The following COL5A3 variants were observed in gnomAD, a reference collection of about 807,000 sequenced individuals.
The protein encoded by COL5A3 is collagen alpha-3(V) chain.
In COL5A3, 172 loss-of-function variants were observed where a neutral mutation model predicts 250.0. The ratio of observed to expected loss-of-function variants is 0.69; its 90% confidence interval spans 0.61 to 0.78. COL5A3 has a LOEUF of 0.78. Among genes scored for constraint, COL5A3 ranks in the 30% least tolerant of loss-of-function variants. The probability of loss-of-function intolerance (pLI) is 0.00; values close to 1 mark genes in which losing one functional copy is unlikely to be tolerated. For missense variants in COL5A3, 2,340 were observed against 2,334.4 expected (o/e 1.00, Z -0.05); for synonymous variants, 937 against 900.4 (o/e 1.04, Z -0.73).
Position 9,978,933 on chromosome 19 carries a change from T to A in COL5A3, c.2922A>T (p.Gly974=). 2 of 1,519,552 alleles carry A rather than the reference T, an allele frequency of 1.3e-6. No homozygotes were observed. The highest frequency in any genetic ancestry group is 1.8e-6 in the Non-Finnish European group (2 of 1,136,574). 94.1% of individuals were successfully genotyped at this position (1,519,552 alleles called of 1,614,324 possible). The change falls in exon 40 of 67, where the codon GGA becomes GGT. Residue 974 remains glycine (G), a synonymous_variant. Coordinates refer to ENST00000264828, the MANE Select transcript of COL5A3 (RefSeq NM_015719.4). ...PGPLGKEGPA[G]LRGFPGPKGG... ...CTTTGGGGCCGGGAAAGCCCCTGAG[T>A]CCAGCTGGCCCTTCTTTCCCAAGGG...
At chr19:9,983,707 AAAG>A (rs756098605) in intron 31 of COL5A3, among the ~76,000 whole-genome samples, 32 of 151,420 alleles carry the variant, frequency 2.1e-4, no homozygotes, top group Non-Finnish European at 2.9e-4. Flanking sequence ...GAAAGAGAAA[AAAG>A]AAGGAAAAGA....
intron 15 of COL5A3, 68 bp from the exon 16 acceptor site, chr19:9,995,685 A>T: frequency 8.2e-7 from 1 of 1,224,490 alleles, no homozygotes; most frequent in Non-Finnish European, 1.1e-6. Flanking sequence ...CTATTGTATT[A>T]AAAAAAATTA....
chr19:9,993,553 G>A, intron 18 of COL5A3, 66 bp downstream of exon 18: 2 of 1,588,100 alleles, frequency 1.3e-6, no homozygotes, highest in South Asian at 1.1e-5. Context: ...TACTGAGGGA[G>A]AAGTTGGGGG....
chr19:10,003,357 C>G (rs749261), intron 6 of COL5A3, among the ~76,000 whole-genome samples: 66,848 of 151,502 alleles, frequency 0.44, 15,075 homozygotes, highest in East Asian at 0.49. Flanking sequence ...CCCACCCCCA[C>G]CCTGTTATCA....
intron 45 of COL5A3, 103 bp downstream of exon 45, chr19:9,976,455 G>A: frequency 1.2e-6 from 1 of 818,164 alleles, no homozygotes; most frequent in Non-Finnish European, 1.9e-6. Context: ...ATCAGGGTTG[G>A]GTTTGAGGTT....
Position 9,982,066 on chromosome 19 carries a change from G to C in COL5A3, c.2459C>G (p.Ser820Trp), listed in dbSNP as rs377531269. 11 of 1,609,576 alleles carry C rather than the reference G, an allele frequency of 6.8e-6. No individual in the cohort carries two copies. In the South Asian group the frequency reaches 1.2e-4, roughly 18 times the overall value. Residue 820 changes from serine to tryptophan, a missense_variant and splice_region_variant, in exon 32 of 67, where the codon TCG (serine) becomes TGG (tryptophan). By Grantham distance (177) the Ser-to-Trp change is radical. Around this residue, in one of 3 missense-constraint regions of COL5A3, gnomAD observed 1,152 missense variants for 1,146.3 expected, o/e 1.00. Coordinates refer to ENST00000264828, the MANE Select transcript of COL5A3 (RefSeq NM_015719.4). ...PLGPIGEKGKSGKTGQPGLEG... is the reference protein window; with the variant it reads ...PLGPIGEKGKWGKTGQPGLEG... ...CCCTTACCCCCGGTCATGACTCACC[G>C]ACTTCCCTTTCTCTCCTATGGGTCC...
Position 9,966,618 on chromosome 19 carries a change from C to T in COL5A3, c.4587G>A (p.Gln1529=). Reference sequence around the variant, plus strand: ...CCGCAGTGCCGGGAGGACGCCGCAGCTGCTCCAGCTCCAAGCTCAGCGATG... The same window carrying T: ...CCGCAGTGCCGGGAGGACGCCGCAGTTGCTCCAGCTCCAAGCTCAGCGATG... The part of the protein sequence containing the change: ...SLTSLSLELE[Q]LRRPPGTAER... Residue 1529 remains glutamine (Q), a synonymous_variant, in exon 63 of 67, where the codon CAG becomes CAA. Coordinates refer to ENST00000264828, the MANE Select transcript of COL5A3 (RefSeq NM_015719.4). 6.5e-7 allele frequency: 1 copy of T among 1,539,078 alleles called. No homozygotes were observed. Among genetic ancestry groups the T allele is most frequent in the Non-Finnish European group, 8.7e-7 (1 of 1,146,948 alleles).
rs909912566 is a variant in COL5A3, at chr19:9,968,137, C to T, written c.4315-58G>A. 1.1e-5 allele frequency: 16 copies of T among 1,474,610 alleles called. No homozygotes were observed. The highest frequency in any genetic ancestry group is 1.5e-5 in the Non-Finnish European group (16 of 1,080,054). 91.3% of individuals were successfully genotyped at this position (1,474,610 alleles called of 1,614,324 possible). On this transcript the variant is annotated intron_variant, in intron 59 of 66. Transcript: ENST00000264828. This position sits in a 1 kb window ranked among gnomAD's most constrained non-coding sequence, Gnocchi z 4.1. Reference sequence around the variant, plus strand: ...GGTACACCCTATTGCCCTGACACATCCCCCAGACAAGCCTTCAATCCTACC... The same window carrying T: ...GGTACACCCTATTGCCCTGACACATTCCCCAGACAAGCCTTCAATCCTACC...
At chr19:9,969,981 GTGGGGTCTGGGTGAC>G (rs1215846571) in intron 54 of COL5A3, 59 bp from the exon 55 acceptor site, 1 of 1,463,248 alleles carries the variant, frequency 6.8e-7, no homozygotes, top group African/African-American at 1.4e-5. Context: ...AGAGGGGTGA[GTGGGGTCTGGGTGAC>G]TGGGGGGTTA....
At position 9,981,737 on chromosome 19, in the gene COL5A3, C is replaced by T. The variant is rs137868911; in HGVS notation, c.2460+328G>A. 1.6e-4 allele frequency among the ~76,000 whole-genome samples: 25 copies of T among 152,336 alleles called. No homozygotes were observed. The East Asian group carries it at 4.4e-3, about 27-fold the overall frequency. On this transcript the variant is annotated intron_variant, in intron 32 of 66. Transcript: ENST00000264828. Reference sequence around the variant, plus strand: ...CGCATATGTACAAGCTTCTTGCACACATTTATGCCCACCATCATGCAAAGT... The same window carrying T: ...CGCATATGTACAAGCTTCTTGCACATATTTATGCCCACCATCATGCAAAGT...
chr19:10,005,856 A>C lies in COL5A3; in HGVS notation c.377T>G (p.Leu126Arg), dbSNP rs758979997. 5.0e-6 allele frequency: 8 copies of C among 1,613,682 alleles called. No individual in the cohort carries two copies. Residue 126 changes from leucine (L) to arginine (R), a missense_variant, in exon 3 of 67, where the codon CTG becomes CGG. Transcript: ENST00000264828. ...GCGGAAGGGGTCACCTAGGAGACCC[A>C]GCGCTGGCCCCAGTGCCAGGCCCAA... ...RQLGLALGPA[L>R]GLLGDPFRPL...
intron 61 of COL5A3, 112 bp from the exon 62 acceptor site, chr19:9,967,512 C>T: frequency 1.1e-5 from 8 of 749,076 alleles, no homozygotes; most frequent in Non-Finnish European, 1.7e-5. Context: ...CACACAGTCT[C>T]ACACACTCAC....
intron 31 of COL5A3, among the ~76,000 whole-genome samples, chr19:9,984,884 TG>T (rs1320370047): frequency 6.6e-6 from 1 of 151,536 alleles, no homozygotes; most frequent in African/African-American, 2.4e-5. Flanking sequence ...TCAATCTCCT[TG>T]GGCTCAGGTG....
At chr19:9,997,199 G>T in intron 11 of COL5A3, 172 bp downstream of exon 11, 1 of 657,140 alleles carries the variant, frequency 1.5e-6, no homozygotes, top group Non-Finnish European at 2.7e-6. Context: ...GCAACACAAG[G>T]TGAACCAGAG....
At chr19:9,996,718 G>C in intron 11 of COL5A3, 29 bp from the exon 12 acceptor site, 1 of 1,557,764 alleles carries the variant, frequency 6.4e-7, no homozygotes, top group Non-Finnish European at 8.7e-7. Context: ...AAGAGAGGTG[G>C]AGACAGGGAG....
rs139944559 is a variant in COL5A3, at chr19:9,974,325, C to T, written c.3426G>A (p.Gly1142=). 5.0e-6 allele frequency: 8 copies of T among 1,612,144 alleles called. No individual in the cohort carries two copies. Among genetic ancestry groups the T allele is most frequent in the Non-Finnish European group, 6.8e-6 (8 of 1,179,052 alleles). The change falls in exon 46 of 67, where the codon GGG becomes GGA. Residue 1142 remains glycine, a synonymous_variant. Transcript: ENST00000264828. ...CCTGCAGTCCAGGAGGGCCAATCAC[C>T]CCCACAAAGCCTCTGACTCCGTCAT... ...KGDDGVRGFV[G]VIGPPGLQGL...
Position 9,962,907 on chromosome 19 carries a change from G to A in COL5A3, c.4783-20C>T, listed in dbSNP as rs1417394655. ...TTTCACCTGGAAGAGAAAAGGGAGGGTCACTGTAGCTGACGCCCTTGGTGC... is the reference window on the plus strand; with the variant it reads ...TTTCACCTGGAAGAGAAAAGGGAGGATCACTGTAGCTGACGCCCTTGGTGC... On this transcript the variant is annotated intron_variant, in intron 64 of 66. Coordinates refer to ENST00000264828, the MANE Select transcript of COL5A3 (RefSeq NM_015719.4). 5.6e-6 allele frequency: 9 copies of A among 1,596,796 alleles called. No individual in the cohort carries two copies. Among genetic ancestry groups the A allele is most frequent in the Admixed American group, 1.7e-5 (1 of 58,712 alleles).
At chr19:9,978,508 C>A in intron 41 of COL5A3, 66 bp downstream of exon 41, 1 of 1,090,084 alleles carries the variant, frequency 9.2e-7, no homozygotes, top group South Asian at 1.3e-5. Flanking sequence ...ATGACAATGT[C>A]AAGCTTCCAA....
At chr19:9,996,944 T>G in intron 11 of COL5A3, 2 of 542,666 alleles carry the variant, frequency 3.7e-6, no homozygotes, top group African/African-American at 2.0e-5. Context: ...TGGAGAGACA[T>G]ACAGAGACAG....
Sources: gnomAD v4.1 joint callset for allele counts (sites outside exome capture counted in the v4.1 genomes callset) on GRCh38, gnomAD v4.1.1 for gene constraint, gnomAD v4.1.1 regional missense constraint, Gnocchi (gnomAD v3.1) non-coding constraint, MANE v1.5 for transcripts, NCBI Gene and HGNC (gene_info 2026-07-23, HGNC 2026-07-21) for gene names.